Variants in TNR observed in about 807,000 individuals in gnomAD.
The protein encoded by TNR is tenascin R.
A neutral mutation model predicts 150.4 loss-of-function variants in TNR; 45 were observed. The ratio of observed to expected loss-of-function variants is 0.30; its 90% confidence interval spans 0.24 to 0.38. The LOEUF is 0.38. TNR is among the 10% of genes least tolerant of loss of function. The pLI is 1.00. For missense variants in TNR, 1,544 were observed against 1,759.1 expected, an observed-to-expected ratio of 0.88 and a Z score of 2.19; for synonymous variants, 687 against 678.4, an observed-to-expected ratio of 1.01 and a Z score of -0.20.
intron 2 of TNR, among the ~76,000 whole-genome samples, chr1:175,519,148 C>T (rs1309377992): frequency 1.3e-5 from 2 of 152,158 alleles, no homozygotes; most frequent in African/African-American, 4.8e-5. Flanking sequence ...CAGTAATAAT[C>T]CTCATCTTAA....
intron 2 of TNR, among the ~76,000 whole-genome samples, chr1:175,471,203 C>T (rs1449122736): frequency 1.3e-4 from 20 of 152,176 alleles, no homozygotes; most frequent in Non-Finnish European, 1.3e-4. Context: ...TCATTTATGT[C>T]CTTCCCTGCC....
chr1:175,486,478 G>C (rs1658022011), intron 2 of TNR, among the ~76,000 whole-genome samples: 1 of 152,160 alleles, frequency 6.6e-6, no homozygotes, highest in East Asian at 1.9e-4. Context: ...TGGCTGCATA[G>C]TATTCCATGG....
chr1:175,359,469 G>A, intron 15 of TNR, 143 bp downstream of exon 15: 2 of 1,296,344 alleles, frequency 1.5e-6, no homozygotes, highest in Non-Finnish European at 2.2e-6. Flanking sequence ...TATCTTGAGG[G>A]CTTCATAGTA....
chr1:175,505,159 GC>G (rs1465890066), intron 2 of TNR, among the ~76,000 whole-genome samples: 1 of 152,070 alleles, frequency 6.6e-6, no homozygotes, highest in Non-Finnish European at 1.5e-5. Context: ...GCCTCGCTGT[GC>G]CCACCTCTGG....
intron 2 of TNR, among the ~76,000 whole-genome samples, chr1:175,477,524 A>G (rs549469463): frequency 1.3e-5 from 2 of 152,344 alleles, no homozygotes; most frequent in African/African-American, 4.8e-5. Context: ...TTGGGCATAC[A>G]TAGTGCTTTG....
At chr1:175,631,451 C>A (rs898064474) in intron 1 of TNR, among the ~76,000 whole-genome samples, 1 of 152,204 alleles carries the variant, frequency 6.6e-6, no homozygotes, top group Non-Finnish European at 1.5e-5. Context: ...AATTTGTAAA[C>A]TTTCTTGAAA....
chr1:175,352,155 G>A (rs1316752983), intron 18 of TNR, among the ~76,000 whole-genome samples: 1 of 152,222 alleles, frequency 6.6e-6, no homozygotes, highest in Non-Finnish European at 1.5e-5. Flanking sequence ...AGAGGGCAGT[G>A]AGGGGCACAG....
chr1:175,546,584 C>T (rs771548039), intron 1 of TNR, among the ~76,000 whole-genome samples: 4 of 152,156 alleles, frequency 2.6e-5, no homozygotes, highest in Non-Finnish European at 5.9e-5. Context: ...AAATCTAAAA[C>T]GATATCACAT....
chr1:175,442,603 A>C (rs1255215224), intron 2 of TNR, among the ~76,000 whole-genome samples: 1 of 151,762 alleles, frequency 6.6e-6, no homozygotes, highest in Non-Finnish European at 1.5e-5. Flanking sequence ...AGATAGATGC[A>C]CACAGAGCAA....
intron 17 of TNR, 112 bp downstream of exon 17, chr1:175,355,391 G>A (rs1168026688): frequency 1.4e-6 from 2 of 1,435,112 alleles, no homozygotes; most frequent in Middle Eastern, 1.8e-4. Flanking sequence ...AGCAATCCTT[G>A]TGGATTGCTT....
intron 2 of TNR, among the ~76,000 whole-genome samples, chr1:175,444,673 C>T (rs1305564148): frequency 1.3e-5 from 2 of 152,202 alleles, no homozygotes; most frequent in African/African-American, 4.8e-5. Context: ...TGTGCTGTCT[C>T]ATGGGAGAGA....
At chr1:175,437,977 G>A (rs949136543) in intron 2 of TNR, among the ~76,000 whole-genome samples, 1 of 152,138 alleles carries the variant, frequency 6.6e-6, no homozygotes, top group Non-Finnish European at 1.5e-5. Flanking sequence ...CATTCCTTCT[G>A]AAACTATTCC....
chr1:175,661,534 G>A (rs375618803), intron 1 of TNR, among the ~76,000 whole-genome samples: 53 of 152,224 alleles, frequency 3.5e-4, no homozygotes, highest in African/African-American at 1.2e-3. Context: ...TCTTCATCCT[G>A]CCTCACGTTG....
At chr1:175,355,838 T>TC (rs1179712995) in intron 16 of TNR, among the ~76,000 whole-genome samples, 3 of 152,128 alleles carry the variant, frequency 2.0e-5, no homozygotes, top group Non-Finnish European at 4.4e-5. Flanking sequence ...TGCAGCTACT[T>TC]CCCCTTCCCT....
At chr1:175,629,837 G>A (rs1664268279) in intron 1 of TNR, among the ~76,000 whole-genome samples, 1 of 152,176 alleles carries the variant, frequency 6.6e-6, no homozygotes, top group Admixed American at 6.5e-5. Flanking sequence ...GCTAGAATGG[G>A]ACAGACACAA....
chr1:175,360,770 G>T (rs1420469204), intron 14 of TNR, among the ~76,000 whole-genome samples: 1 of 152,154 alleles, frequency 6.6e-6, no homozygotes, highest in Non-Finnish European at 1.5e-5. Flanking sequence ...TTCTTCAAAT[G>T]CAGCCCTTAG....
At chr1:175,616,494 G>A (rs146418691) in intron 1 of TNR, among the ~76,000 whole-genome samples, 67 of 152,312 alleles carry the variant, frequency 4.4e-4, no homozygotes, top group African/African-American at 1.3e-3. Context: ...TTGAAGGCTT[G>A]GGGGTCTGGT....
In TNR at chr1:175,425,036, C is replaced by T. The variant is rs146727710; in HGVS notation, c.-63-18259G>A. Among the ~76,000 whole-genome samples, 8 of 152,180 alleles carry T rather than the reference C, an allele frequency of 5.3e-5. No individual in the cohort carries two copies. The East Asian group carries it at 1.2e-3, about 22-fold the overall frequency. On this transcript the variant is annotated intron_variant, in intron 2 of 22. Coordinates refer to ENST00000367674, the MANE Select transcript of TNR (RefSeq NM_003285.3). ...AGAGAGATTCTTGGAGTAATTCTCA[C>T]CCGAAACACTATAAGCAGACCTCAA...
At chr1:175,566,869 C>T (rs1048541223) in intron 1 of TNR, among the ~76,000 whole-genome samples, 7 of 152,204 alleles carry the variant, frequency 4.6e-5, no homozygotes, top group African/African-American at 1.7e-4. Flanking sequence ...AGTCCCTAGA[C>T]TGTTACTTTT....
Sources: gnomAD v4.1 joint callset for allele counts (sites outside exome capture counted in the v4.1 genomes callset) on GRCh38, gnomAD v4.1.1 for gene constraint, MANE v1.5 for transcripts, NCBI Gene and HGNC (gene_info 2026-07-23, HGNC 2026-07-21) for gene names.